SLC4A10: variants seen among roughly 807,000 people sequenced by gnomAD.
The protein encoded by SLC4A10 is solute carrier family 4 member 10, also known as sodium-driven chloride bicarbonate exchanger.
SLC4A10 carries 42 observed loss-of-function variants against 137.7 expected under a neutral mutation model. The observed-to-expected ratio is 0.30, with a 90% CI of 0.24 to 0.39. The LOEUF (loss-of-function observed/expected upper bound fraction) is 0.39. SLC4A10 is among the 10% of genes least tolerant of loss of function. The probability of loss-of-function intolerance (pLI) is 1.00; values close to 1 mark genes in which losing one functional copy is unlikely to be tolerated. For missense variants in SLC4A10, 925 were observed against 1,355.0 expected, an observed-to-expected ratio of 0.68 and a Z score of 4.98; for synonymous variants, 474 against 464.1, an observed-to-expected ratio of 1.02 and a Z score of -0.27.
chr2:161,915,131 G>A (rs62188838), intron 15 of SLC4A10, among the ~76,000 whole-genome samples: 10,206 of 152,088 alleles, frequency 0.067, 449 homozygotes, highest in East Asian at 0.13. Flanking sequence ...GCAGCTAGAC[G>A]TCAGGGAGAG....
At chr2:161,701,571 G>A (rs905156914) in intron 1 of SLC4A10, among the ~76,000 whole-genome samples, 1 of 151,808 alleles carries the variant, frequency 6.6e-6, no homozygotes, top group African/African-American at 2.4e-5. Flanking sequence ...CTTTTCTTTT[G>A]TTGGGAACAT....
chr2:161,799,450 C>T lies in SLC4A10; in HGVS notation c.131-4999C>T, dbSNP rs529710767. Among the ~76,000 whole-genome samples, 289 of 151,864 alleles carry T rather than the reference C, an allele frequency of 1.9e-3. 1 individual carries two copies. Among genetic ancestry groups the T allele is most frequent in the Non-Finnish European group, 3.1e-3 (210 of 67,822 alleles). Reference sequence around the variant, plus strand: ...TATTTCTGTACTATTCTTTACAGGACCTGAGGGGATTCTCTAGTTCTTTAG... The same window carrying T: ...TATTTCTGTACTATTCTTTACAGGATCTGAGGGGATTCTCTAGTTCTTTAG... On this transcript the variant is annotated intron_variant, in intron 2 of 26. Coordinates refer to ENST00000446997, the MANE Select transcript of SLC4A10 (RefSeq NM_001178015.2).
intron 2 of SLC4A10, among the ~76,000 whole-genome samples, chr2:161,782,035 A>C (rs1408146638): frequency 1.3e-5 from 2 of 152,030 alleles, no homozygotes; most frequent in African/African-American, 4.8e-5. Flanking sequence ...ATGGTGTGGA[A>C]TTATCTAGCC....
At chr2:161,790,170 T>G (rs1336973873) in intron 2 of SLC4A10, among the ~76,000 whole-genome samples, 1 of 152,146 alleles carries the variant, frequency 6.6e-6, no homozygotes, top group Non-Finnish European at 1.5e-5. Flanking sequence ...AATTTGATAT[T>G]TAGTAACCAT....
intron 1 of SLC4A10, among the ~76,000 whole-genome samples, chr2:161,656,433 A>G (rs1209882401): frequency 1.3e-5 from 2 of 152,212 alleles, no homozygotes; most frequent in Non-Finnish European, 2.9e-5. Flanking sequence ...TAAATTAAAA[A>G]TATTCACACA....
chr2:161,891,630 T>C (rs1328349266), intron 10 of SLC4A10, among the ~76,000 whole-genome samples: 1 of 152,070 alleles, frequency 6.6e-6, no homozygotes, highest in Admixed American at 6.6e-5. Flanking sequence ...TCTTGTGTTG[T>C]GTTTTTCAGC....
At chr2:161,650,465 A>G (rs1028669845) in intron 1 of SLC4A10, among the ~76,000 whole-genome samples, 2 of 152,192 alleles carry the variant, frequency 1.3e-5, no homozygotes, top group Non-Finnish European at 2.9e-5. Flanking sequence ...GGCTGGGAGC[A>G]GGCAGGAGGC....
intron 11 of SLC4A10, among the ~76,000 whole-genome samples, chr2:161,895,336 A>G (rs1173284577): frequency 6.6e-6 from 1 of 152,024 alleles, no homozygotes; most frequent in African/African-American, 2.4e-5. Flanking sequence ...GGTTGGTTCC[A>G]AGTCTTTGCT....
chr2:161,756,959 A>G (rs2049726515), intron 1 of SLC4A10, among the ~76,000 whole-genome samples: 1 of 152,178 alleles, frequency 6.6e-6, no homozygotes, highest in Non-Finnish European at 1.5e-5. Flanking sequence ...TTTATGTGGC[A>G]TGTAAACGAG....
intron 1 of SLC4A10, among the ~76,000 whole-genome samples, chr2:161,673,495 TA>T (rs756356331): frequency 4.6e-5 from 7 of 152,152 alleles, no homozygotes; most frequent in African/African-American, 7.2e-5. Context: ...CAAAATTCTA[TA>T]AAAGGTACAA....
intron 23 of SLC4A10, among the ~76,000 whole-genome samples, chr2:161,973,184 T>C (rs1253168596): frequency 1.3e-5 from 2 of 152,126 alleles, no homozygotes; most frequent in East Asian, 1.9e-4. Flanking sequence ...GGTCAACTAG[T>C]TTTTTATGTT....
intron 16 of SLC4A10, among the ~76,000 whole-genome samples, chr2:161,944,267 A>G (rs1257189182): frequency 1.3e-5 from 2 of 151,880 alleles, no homozygotes; most frequent in Non-Finnish European, 2.9e-5. Flanking sequence ...TCTTCTGTCT[A>G]CACTTTCTTT....
chr2:161,941,002 C>T (rs943499976), intron 15 of SLC4A10, among the ~76,000 whole-genome samples: 1 of 144,330 alleles, frequency 6.9e-6, no homozygotes, highest in Non-Finnish European at 1.5e-5. Flanking sequence ...TGGAGCAGAC[C>T]CCCAGAGCAA....
At chr2:161,685,887 T>A (rs2041347516) in intron 1 of SLC4A10, among the ~76,000 whole-genome samples, 1 of 152,168 alleles carries the variant, frequency 6.6e-6, no homozygotes, top group Non-Finnish European at 1.5e-5. Context: ...TACTGGAGAT[T>A]TTGTACTATA....
At chr2:161,891,700 C>T (rs2062940639) in intron 10 of SLC4A10, among the ~76,000 whole-genome samples, 1 of 151,868 alleles carries the variant, frequency 6.6e-6, no homozygotes, top group Admixed American at 6.6e-5. Flanking sequence ...TTCCTCTAAC[C>T]TTTCTTCAAG....
intron 1 of SLC4A10, among the ~76,000 whole-genome samples, chr2:161,661,167 T>C (rs948585396): frequency 6.6e-6 from 1 of 152,072 alleles, no homozygotes. Flanking sequence ...ACGAACATCA[T>C]GAAAAGGCAA....
intron 1 of SLC4A10, among the ~76,000 whole-genome samples, chr2:161,690,758 G>A (rs2041900207): frequency 6.6e-6 from 1 of 152,026 alleles, no homozygotes; most frequent in African/African-American, 2.4e-5. Flanking sequence ...ATGGATATAG[G>A]GAGGGGAACA....
chr2:161,886,816 A>T (rs1013760070), intron 10 of SLC4A10, among the ~76,000 whole-genome samples: 6 of 152,078 alleles, frequency 3.9e-5, no homozygotes, highest in African/African-American at 1.4e-4. Flanking sequence ...GTATACTTTA[A>T]GTTCTGGAAT....
chr2:161,755,076 T>G lies in SLC4A10; in HGVS notation c.49-15897T>G, dbSNP rs1166563427. ...TCATTAGATATGAAAAATATCATTT[T>G]AAAGCAAAGAACTGACTCATACAAA... On this transcript the variant is annotated intron_variant, in intron 1 of 26. Coordinates refer to ENST00000446997, the MANE Select transcript of SLC4A10 (RefSeq NM_001178015.2). Among the ~76,000 whole-genome samples the G allele has an allele frequency of 2.0e-5, 3 of 152,166 alleles. No homozygotes were observed. The East Asian group carries it at 5.8e-4, about 29-fold the overall frequency.
Sources: allele counts gnomAD v4.1 joint callset (sites outside exome capture counted in the v4.1 genomes callset), GRCh38; gene constraint gnomAD v4.1.1; transcripts MANE v1.5; gene names NCBI Gene and HGNC (gene_info 2026-07-23, HGNC 2026-07-21).